PTPRH: variants seen among roughly 807,000 people sequenced by gnomAD.
The protein encoded by PTPRH is protein tyrosine phosphatase receptor type H, also known as receptor-type tyrosine-protein phosphatase H.
Under a neutral mutation model 130.2 loss-of-function variants are expected in PTPRH, and 113 were observed. That is an observed-to-expected ratio of 0.87 (90% CI 0.75 to 1.01). PTPRH has a LOEUF of 1.01. Ranked by LOEUF, PTPRH falls within the 50% of genes least tolerant of loss-of-function variation. The pLI is 0.00. For synonymous variants in PTPRH, 556 were observed against 577.9 expected (o/e 0.96, Z 0.54); for missense variants, 1,430 against 1,425.0 (o/e 1.00, Z -0.06).
At chr19:55,184,765 C>G (rs527844564) in intron 18 of PTPRH, among the ~76,000 whole-genome samples, 1 of 150,586 alleles carries the variant, frequency 6.6e-6, no homozygotes, top group East Asian at 2.0e-4. Context: ...CCACCCTGGG[C>G]GACAGGGAGA....
rs1207191355 is a variant in PTPRH, at chr19:55,189,751, T to C, written c.2385-1583A>G. 5.1e-5 allele frequency: 23 copies of C among 454,676 alleles called. No homozygotes were observed. In the East Asian group the frequency reaches 1.6e-3, roughly 32 times the overall value. 28.2% of individuals were successfully genotyped at this position (454,676 alleles called of 1,614,324 possible). A position where few individuals can be genotyped will look rare whatever the true frequency, so the allele number is the denominator to read the frequency against. ...ATGCAAACACTTTGGGAGGCCGAGG[T>C]GGAAGGGCTGCTTGGGGCCAGAAGT... On this transcript the variant is annotated intron_variant, in intron 12 of 19. Transcript: ENST00000376350.
In PTPRH at chr19:55,197,298, G is replaced by A. The variant is rs749807660; in HGVS notation, c.1809C>T (p.Ala603=). ...SQLYVYWVQW[A]SKGHPRRGQD... Reference sequence around the variant, plus strand: ...GCCCCCTCCGGGGATGTCCCTTGCTGGCCCACTGGACCCAGTATACGTACA... The same window carrying A: ...GCCCCCTCCGGGGATGTCCCTTGCTAGCCCACTGGACCCAGTATACGTACA... Residue 603 remains alanine, a synonymous_variant, in exon 9 of 20, where the codon GCC becomes GCT. Coordinates refer to ENST00000376350, the MANE Select transcript of PTPRH (RefSeq NM_002842.5). The A allele has an allele frequency of 2.8e-5, 45 of 1,614,128 alleles. No individual in the cohort carries two copies. In the Admixed American group the frequency reaches 4.0e-4, roughly 14 times the overall value.
At position 55,203,860 on chromosome 19, in the gene PTPRH, C is replaced by T. The variant is rs772757360; in HGVS notation, c.808G>A (p.Gly270Arg). 4.8e-5 allele frequency: 78 copies of T among 1,614,172 alleles called. No homozygotes were observed. The highest frequency in any genetic ancestry group is 4.7e-5 in the Non-Finnish European group (56 of 1,180,038). Residue 270 changes from glycine (G) to arginine (R), a missense_variant, in exon 5 of 20, where the codon GGG becomes AGG. Transcript: ENST00000376350. ...TRVTVDGLGP[G>R]SLYTCSVWVE... ...CACACAGAACACGTATACAATGACCCGGGTCCAAGGCCATCCACGGTGACT... is the reference window on the plus strand; with the variant it reads ...CACACAGAACACGTATACAATGACCTGGGTCCAAGGCCATCCACGGTGACT...
Position 55,199,986 on chromosome 19 carries a change from GAGAA to G in PTPRH, c.1420+246_1420+249del, listed in dbSNP as rs539687330. On this transcript the variant is annotated intron_variant, in intron 7 of 19. Coordinates refer to ENST00000376350, the MANE Select transcript of PTPRH (RefSeq NM_002842.5). ...GGGAAGGAAGGAAGGGGAAGGGAAG[GAGAA>G]AGAAAGAAAGAAAAGGCCTGTGTCC... Among the ~76,000 whole-genome samples, 779 of 150,242 alleles carry G rather than the reference GAGAA, an allele frequency of 5.2e-3. 9 individuals carry two copies. The highest frequency in any genetic ancestry group is 0.017 in the African/African-American group (719 of 41,104).
intron 4 of PTPRH, among the ~76,000 whole-genome samples, chr19:55,204,819 T>G (rs1218874092): frequency 6.6e-6 from 1 of 152,226 alleles, no homozygotes; most frequent in Non-Finnish European, 1.5e-5. Context: ...ATATGAAATG[T>G]GAAACTGAAT....
chr19:55,189,615 C>G, intron 12 of PTPRH: 1 of 448,548 alleles, frequency 2.2e-6, no homozygotes, highest in South Asian at 1.6e-5. Context: ...TCCTCTCCCA[C>G]TTGCGTAGGC....
chr19:55,183,462 G>A (rs145283215), intron 18 of PTPRH, among the ~76,000 whole-genome samples: 30 of 152,126 alleles, frequency 2.0e-4, no homozygotes, highest in Non-Finnish European at 3.5e-4. Context: ...ACTGGCTCAC[G>A]CCTGTAATCC....
At chr19:55,204,526 G>T (rs1028167603) in intron 4 of PTPRH, among the ~76,000 whole-genome samples, 2 of 152,182 alleles carry the variant, frequency 1.3e-5, no homozygotes, top group Non-Finnish European at 2.9e-5. Context: ...TCTCACAGGG[G>T]ACCTTGTGAA....
Position 55,203,770 on chromosome 19 carries a change from G to A in PTPRH, c.886+12C>T, listed in dbSNP as rs773753905. The A allele has an allele frequency of 6.3e-7, 1 of 1,589,962 alleles. No homozygotes were observed. On this transcript the variant is annotated intron_variant, in intron 5 of 19. Transcript: ENST00000376350. ...TAAAAGAAATAAAAATAAAACAGCG[G>A]CTGCCTCTTACCTGTGGCACTAGTG...
chr19:55,206,080 A>T (rs1305773011), intron 3 of PTPRH, among the ~76,000 whole-genome samples: 1 of 151,986 alleles, frequency 6.6e-6, no homozygotes, highest in Non-Finnish European at 1.5e-5. Context: ...TAAAAATACA[A>T]AAGTTAGTTG....
intron 10 of PTPRH, among the ~76,000 whole-genome samples, chr19:55,196,244 C>T (rs910503002): frequency 2.6e-5 from 4 of 151,856 alleles, no homozygotes; most frequent in South Asian, 2.1e-4. Flanking sequence ...AAAAATTAGC[C>T]GGGCGTGGTG....
chr19:55,193,813 G>A (rs1262796665), intron 10 of PTPRH, among the ~76,000 whole-genome samples: 1 of 151,984 alleles, frequency 6.6e-6, no homozygotes, highest in Admixed American at 6.6e-5. Context: ...CCCCGGCAGC[G>A]GAGCCTACCC....
Position 55,197,204 on chromosome 19 carries a change from G to A in PTPRH, c.1903C>T (p.Leu635=). Residue 635 remains leucine, a synonymous_variant, in exon 9 of 20, where the codon CTG becomes TTG. Transcript: ENST00000376350. The part of the protein sequence containing the change: ...TNETWYKVEA[L]EPGTLYNFTV... ...AAATTGTACAACGTCCCGGGTTCCA[G>A]GGCCTCCACTTTGTACCACGTCTCA... 6.2e-7 allele frequency: 1 copy of A among 1,614,216 alleles called. No individual in the cohort carries two copies. Among genetic ancestry groups the A allele is most frequent in the African/African-American group, 1.3e-5 (1 of 75,062 alleles).
Position 55,185,658 on chromosome 19 carries a change from T to C in PTPRH, c.2906A>G (p.Glu969Gly). Residue 969 changes from glutamate (E) to glycine (G), a missense_variant, in exon 18 of 20, where the codon GAG becomes GGG. Coordinates refer to ENST00000376350, the MANE Select transcript of PTPRH (RefSeq NM_002842.5). ...TVRELLLLQV[E>G]EQKTLSVRQF... ...GCGCACAGACAGTGTCTTCTGCTCC[T>C]CCACCTGGAAGGAGGGAGCACTCAC... The C allele has an allele frequency of 6.2e-7, 1 of 1,613,882 alleles. No individual in the cohort carries two copies. The highest frequency in any genetic ancestry group is 1.3e-5 in the African/African-American group (1 of 75,040).
At position 55,206,963 on chromosome 19, in the gene PTPRH, T is replaced by C; in HGVS notation, c.86-8A>G. On this transcript the variant is annotated splice_region_variant and splice_polypyrimidine_tract_variant and intron_variant, in intron 2 of 19. Transcript: ENST00000376350. ...TCCTCCCTGGGTTGGGGGCTGAGAA[T>C]TGGGAAGGAAGGTCTGACAAAAAGG... 6.3e-7 allele frequency: 1 copy of C among 1,582,384 alleles called. No individual in the cohort carries two copies. Among genetic ancestry groups the C allele is most frequent in the Non-Finnish European group, 8.6e-7 (1 of 1,161,690 alleles).
At chr19:55,208,873 T>G (rs1157373746) in intron 1 of PTPRH, among the ~76,000 whole-genome samples, 5 of 36,960 alleles carry the variant, frequency 1.4e-4, no homozygotes, top group Non-Finnish European at 2.0e-4. Flanking sequence ...CCTGGACTCT[T>G]GGTTTGAGGG....
intron 18 of PTPRH, among the ~76,000 whole-genome samples, chr19:55,185,076 C>T (rs1352277667): frequency 6.6e-6 from 1 of 151,694 alleles, no homozygotes; most frequent in East Asian, 2.0e-4. Context: ...CTCACTGCAA[C>T]CTCTGCCTCC....
chr19:55,192,643 C>T lies in PTPRH; in HGVS notation c.2258-902G>A, dbSNP rs186306423. Among the ~76,000 whole-genome samples, 1,047 of 150,826 alleles carry T rather than the reference C, an allele frequency of 6.9e-3. 16 individuals are homozygous for T. Among genetic ancestry groups the T allele is most frequent in the African/African-American group, 0.024 (993 of 41,230 alleles). ...CTCGGCTCACTGCAACCTCTGCCTC[C>T]CGGGTTCACGCCATTCTCCTGCCTC... On this transcript the variant is annotated intron_variant, in intron 10 of 19. Transcript: ENST00000376350.
intron 5 of PTPRH, among the ~76,000 whole-genome samples, chr19:55,203,121 G>C (rs2086919653): frequency 6.6e-6 from 1 of 151,550 alleles, no homozygotes; most frequent in Admixed American, 6.6e-5. Flanking sequence ...AAGGTCAGGA[G>C]ATCGAGACCA....
Sources: allele counts gnomAD v4.1 joint callset (sites outside exome capture counted in the v4.1 genomes callset), GRCh38; gene constraint gnomAD v4.1.1; transcripts MANE v1.5; gene names NCBI Gene and HGNC (gene_info 2026-07-23, HGNC 2026-07-21).